The following SLC4A4 variants were observed in gnomAD, a reference collection of about 807,000 sequenced individuals.
The protein encoded by SLC4A4 is electrogenic sodium bicarbonate cotransporter 1.
In SLC4A4, 27 loss-of-function variants were observed where a neutral mutation model predicts 111.5. The ratio of observed to expected loss-of-function variants is 0.24; its 90% confidence interval spans 0.18 to 0.33. The LOEUF (loss-of-function observed/expected upper bound fraction) is 0.33, where lower values mean the gene tolerates loss of function less well. Among genes scored for constraint, SLC4A4 ranks in the 10% least tolerant of loss-of-function variants. The probability of loss-of-function intolerance (pLI) is 1.00; values close to 1 mark genes in which losing one functional copy is unlikely to be tolerated. For synonymous variants in SLC4A4, 443 were observed against 463.4 expected (o/e 0.96, Z 0.57); for missense variants, 909 against 1,315.5 (o/e 0.69, Z 4.78).
At chr4:71,310,962 C>G (rs1447937239) in intron 3 of SLC4A4, among the ~76,000 whole-genome samples, 1 of 151,956 alleles carries the variant, frequency 6.6e-6, no homozygotes, top group Non-Finnish European at 1.5e-5. Context: ...CACATACGCT[C>G]AAAATAAAGG....
rs558355984 is a variant in SLC4A4 at position 71,384,352 on chromosome 4, G to C, written c.731-13225G>C. Among the ~76,000 whole-genome samples the C allele has an allele frequency of 4.6e-5, 7 of 152,220 alleles. No individual in the cohort carries two copies. In the South Asian group the frequency reaches 1.4e-3, roughly 32 times the overall value. ...TCACTTGGGTGAAAGAGGCATTATG[G>C]GTCCAGAGGTGTTTGTGCTCTTCTT... On this transcript the variant is annotated intron_variant, in intron 6 of 25. Transcript: ENST00000264485.
intron 7 of SLC4A4, among the ~76,000 whole-genome samples, chr4:71,411,426 T>C (rs905937251): frequency 1.3e-5 from 2 of 152,074 alleles, no homozygotes; most frequent in Non-Finnish European, 2.9e-5. Context: ...CAGCACATGA[T>C]GCTTTTCTAC....
At chr4:71,376,740 G>A (rs756407041) in intron 6 of SLC4A4, among the ~76,000 whole-genome samples, 258 of 151,038 alleles carry the variant, frequency 1.7e-3, no homozygotes, top group Non-Finnish European at 2.1e-3. Flanking sequence ...GGGTTCAAGC[G>A]ATTCTCCTGC....
chr4:71,472,772 G>A lies in SLC4A4; in HGVS notation c.1705G>A (p.Val569Ile). 6.2e-7 allele frequency: 1 copy of A among 1,612,736 alleles called. No homozygotes were observed. The highest frequency in any genetic ancestry group is 8.5e-7 in the Non-Finnish European group (1 of 1,179,290). The change falls in exon 14 of 26, where the codon GTA (valine) becomes ATA (isoleucine). Residue 569 changes from valine (V) to isoleucine (I), a missense_variant. Coordinates refer to ENST00000264485, the MANE Select transcript of SLC4A4 (RefSeq NM_001098484.3). Reference sequence around the variant, plus strand: ...GTCCGCCTTCCTATGTCTCATTTTGGTAGCCACTGATGCCAGCTTCTTGGT... The same window carrying A: ...GTCCGCCTTCCTATGTCTCATTTTGATAGCCACTGATGCCAGCTTCTTGGT... The part of the protein sequence containing the change: ...LWSAFLCLIL[V>I]ATDASFLVQY...
intron 7 of SLC4A4, among the ~76,000 whole-genome samples, chr4:71,420,655 G>T (rs545154141): frequency 6.6e-6 from 1 of 152,108 alleles, no homozygotes; most frequent in East Asian, 1.9e-4. Context: ...AACCCTACAA[G>T]CCAGAAGAGA....
chr4:71,096,294 C>G (rs1198644361), intron 2 of SLC4A4, among the ~76,000 whole-genome samples: 1 of 152,078 alleles, frequency 6.6e-6, no homozygotes, highest in East Asian at 1.9e-4. Flanking sequence ...CAATAGAATA[C>G]AGTAGTAGCT....
intron 8 of SLC4A4, among the ~76,000 whole-genome samples, chr4:71,441,139 A>T (rs527588262): frequency 6.6e-6 from 1 of 152,288 alleles, no homozygotes; most frequent in South Asian, 2.1e-4. Flanking sequence ...CAGAGGTCAT[A>T]GTTGCTTTCA....
chr4:71,277,478 C>T (rs908204454), intron 3 of SLC4A4, among the ~76,000 whole-genome samples: 28 of 151,798 alleles, frequency 1.8e-4, no homozygotes, highest in Middle Eastern at 3.4e-3. Flanking sequence ...TTCCTACTGG[C>T]TTGGCTTCCC....
chr4:71,251,319 G>A (rs562248105), intron 2 of SLC4A4, among the ~76,000 whole-genome samples: 2 of 152,326 alleles, frequency 1.3e-5, no homozygotes, highest in South Asian at 2.1e-4. Flanking sequence ...GAAGTATGAA[G>A]TTAGGTTAGA....
At chr4:71,375,605 A>G (rs1157714698) in intron 6 of SLC4A4, among the ~76,000 whole-genome samples, 1 of 152,062 alleles carries the variant, frequency 6.6e-6, no homozygotes. Flanking sequence ...ATCTCATTCT[A>G]CTTTGCACTA....
rs182982409 is a variant in SLC4A4, at chr4:71,180,267, A to T, written c.-1-56309A>T. Among the ~76,000 whole-genome samples, 641 of 152,330 alleles carry T rather than the reference A, an allele frequency of 4.2e-3. 14 individuals are homozygous for T. The highest frequency in any genetic ancestry group is 0.032 in the Admixed American group (488 of 15,298). ...AAAACCCTGGAAGAAAACCTAGGCAATACCATTCAGGACATAGGCATGGGT... is the reference window on the plus strand; with the variant it reads ...AAAACCCTGGAAGAAAACCTAGGCATTACCATTCAGGACATAGGCATGGGT... On this transcript the variant is annotated intron_variant, in intron 2 of 26. Transcript: ENST00000649996.
chr4:71,076,457 G>A (rs1004395016), intron 1 of SLC4A4, among the ~76,000 whole-genome samples: 1 of 151,564 alleles, frequency 6.6e-6, no homozygotes, highest in Admixed American at 6.6e-5. Context: ...ACTTAAACCC[G>A]GGAGGAGGAG....
chr4:71,443,061 A>G (rs1724872304), intron 8 of SLC4A4, among the ~76,000 whole-genome samples: 1 of 136,502 alleles, frequency 7.3e-6, no homozygotes. Context: ...CTGTCATCTT[A>G]TGTCTATCCA....
chr4:71,466,030 A>G (rs753577712), intron 12 of SLC4A4, among the ~76,000 whole-genome samples: 1 of 152,128 alleles, frequency 6.6e-6, no homozygotes, highest in Non-Finnish European at 1.5e-5. Flanking sequence ...AGTGCCTACT[A>G]TGTGCAAGGC....
chr4:71,117,990 C>T (rs917392215), intron 2 of SLC4A4, among the ~76,000 whole-genome samples: 4 of 151,800 alleles, frequency 2.6e-5, no homozygotes, highest in African/African-American at 4.8e-5. Context: ...GATTCTCCTG[C>T]CTCAGCCTCC....
intron 13 of SLC4A4, among the ~76,000 whole-genome samples, chr4:71,470,109 C>A (rs1727726924): frequency 6.6e-6 from 1 of 151,936 alleles, no homozygotes; most frequent in Non-Finnish European, 1.5e-5. Context: ...TCAGAAGTAA[C>A]AGAACTGTAT....
intron 12 of SLC4A4, among the ~76,000 whole-genome samples, chr4:71,459,500 C>A (rs986366608): frequency 5.3e-5 from 8 of 151,968 alleles, no homozygotes; most frequent in Admixed American, 2.0e-4. Flanking sequence ...TCATGGATGT[C>A]TTTCCACTTC....
rs973192259 is a variant in SLC4A4 at position 71,124,190 on chromosome 4, T to G, written c.-2+31398T>G. Among the ~76,000 whole-genome samples, 79 of 151,188 alleles carry G rather than the reference T, an allele frequency of 5.2e-4. 1 individual carries two copies. Among genetic ancestry groups the G allele is most frequent in the African/African-American group, 1.3e-3 (53 of 41,266 alleles). On this transcript the variant is annotated intron_variant, in intron 2 of 26. Coordinates refer to the SLC4A4 transcript ENST00000649996. ...AGGCCCACACTTTTTTTTTTTTTTT[T>G]TGTGACAGAGTCTTGCCCTGTCGCC...
intron 2 of SLC4A4, among the ~76,000 whole-genome samples, chr4:71,127,440 C>G (rs901860134): frequency 2.6e-5 from 4 of 152,028 alleles, no homozygotes; most frequent in African/African-American, 9.7e-5. Context: ...TAAAAGTGAA[C>G]AAAAATCCCA....
Sources: gnomAD v4.1 joint callset for allele counts (sites outside exome capture counted in the v4.1 genomes callset) on GRCh38, gnomAD v4.1.1 for gene constraint, MANE v1.5 for transcripts, NCBI Gene and HGNC (gene_info 2026-07-23, HGNC 2026-07-21) for gene names.